Variants in NXPE4 observed in about 807,000 individuals in gnomAD.
NXPE4 encodes the protein neurexophilin and PC-esterase domain family member 4, also known as NXPE family member 4.
In NXPE4, 42 loss-of-function variants were observed where a neutral mutation model predicts 33.3. The observed-to-expected ratio is 1.26, with a 90% CI of 0.98 to 1.63. NXPE4 has a LOEUF of 1.63. Ranked by LOEUF, NXPE4 falls within the 40% of genes most tolerant of loss-of-function variation. The pLI, the probability that NXPE4 is intolerant of heterozygous loss-of-function variation, is 0.00. For synonymous variants in NXPE4, 253 were observed against 234.9 expected (o/e 1.08, Z -0.71); for missense variants, 709 against 647.6 (o/e 1.09, Z -1.03).
intron 2 of NXPE4, among the ~76,000 whole-genome samples, chr11:114,591,759 C>A (rs1212169536): frequency 6.6e-6 from 1 of 151,900 alleles, no homozygotes; most frequent in Non-Finnish European, 1.5e-5. Context: ...AATTCCAGGC[C>A]CCTGTATGAT....
the NXPE4 span, among the ~76,000 whole-genome samples, chr11:114,640,379 C>T: frequency 2.0e-5 from 3 of 148,824 alleles, no homozygotes; most frequent in African/African-American, 7.4e-5. Flanking sequence ...TTTCTTTATC[C>T]ACTCATGTGT....
chr11:114,657,637 T>C, the NXPE4 span, among the ~76,000 whole-genome samples: 1 of 152,194 alleles, frequency 6.6e-6, no homozygotes, highest in African/African-American at 2.4e-5. Context: ...AACTGTAATT[T>C]AATATGATTG....
chr11:114,588,356 A>T (rs554156613), intron 2 of NXPE4, among the ~76,000 whole-genome samples: 2 of 152,262 alleles, frequency 1.3e-5, no homozygotes, highest in East Asian at 3.9e-4. Flanking sequence ...GACTTAGGCC[A>T]ATTTTCTGAT....
At chr11:114,630,968 A>T in the NXPE4 span, among the ~76,000 whole-genome samples, 2 of 151,010 alleles carry the variant, frequency 1.3e-5, no homozygotes, top group Non-Finnish European at 3.0e-5. Flanking sequence ...TCAAAACCAC[A>T]ATGAGATACC....
chr11:114,632,587 G>A, the NXPE4 span, among the ~76,000 whole-genome samples: 1 of 101,086 alleles, frequency 9.9e-6, no homozygotes, highest in Non-Finnish European at 1.8e-5. Flanking sequence ...TATATTTATT[G>A]TATATTGATG....
the NXPE4 span, among the ~76,000 whole-genome samples, chr11:114,651,042 G>A: frequency 6.6e-6 from 1 of 151,964 alleles, no homozygotes; most frequent in Admixed American, 6.6e-5. Flanking sequence ...GTGGTACATT[G>A]AAGGTAATAA....
the NXPE4 span, among the ~76,000 whole-genome samples, chr11:114,628,883 G>T: frequency 6.6e-6 from 1 of 151,684 alleles, no homozygotes; most frequent in Non-Finnish European, 1.5e-5. Flanking sequence ...ATCAGAGAAT[G>T]CTACAAACAC....
chr11:114,659,911 T>C, the NXPE4 span, among the ~76,000 whole-genome samples: 1 of 152,120 alleles, frequency 6.6e-6, no homozygotes, highest in Non-Finnish European at 1.5e-5. Context: ...TCAATGTTAC[T>C]GCTCAGGATG....
the NXPE4 span, among the ~76,000 whole-genome samples, chr11:114,612,017 G>T: frequency 1.3e-5 from 2 of 151,836 alleles, no homozygotes; most frequent in Admixed American, 6.6e-5. Flanking sequence ...TGCCTCATGG[G>T]TAACCACTGT....
At chr11:114,596,279 G>T (rs1949571559), upstream of NXPE4, among the ~76,000 whole-genome samples, 1 of 152,176 alleles carries the variant, frequency 6.6e-6, no homozygotes, top group Non-Finnish European at 1.5e-5. Flanking sequence ...TCATGGGTTT[G>T]AATCCATCTG....
chr11:114,610,372 T>C, the NXPE4 span, among the ~76,000 whole-genome samples: 1 of 151,872 alleles, frequency 6.6e-6, no homozygotes, highest in Non-Finnish European at 1.5e-5. Flanking sequence ...CAGTTGATAA[T>C]AAATATTGCC....
At chr11:114,645,120 G>A in the NXPE4 span, among the ~76,000 whole-genome samples, 2 of 151,876 alleles carry the variant, frequency 1.3e-5, no homozygotes, top group Non-Finnish European at 2.9e-5. Context: ...TGGCCAACAT[G>A]GTGAAACCCC....
chr11:114,617,520 G>A, the NXPE4 span, among the ~76,000 whole-genome samples: 44 of 152,046 alleles, frequency 2.9e-4, no homozygotes, highest in East Asian at 3.9e-4. Context: ...TGGATAATAC[G>A]TGTTGCCTCG....
At chr11:114,601,682 G>T in the NXPE4 span, among the ~76,000 whole-genome samples, 21,041 of 29,594 alleles carry the variant, frequency 0.71, 8,653 homozygotes, top group African/African-American at 0.82. Flanking sequence ...TATAATTATA[G>T]ATTATATATA....
intron 5 of NXPE4, among the ~76,000 whole-genome samples, chr11:114,577,519 A>G (rs964987596): frequency 6.6e-6 from 1 of 152,034 alleles, no homozygotes; most frequent in Non-Finnish European, 1.5e-5. Flanking sequence ...ATGTAACCAA[A>G]CACCACCGGT....
At position 114,573,289 on chromosome 11, in the gene NXPE4, A is replaced by G. The variant is rs563992402; in HGVS notation, c.1100-1816T>C. 4.6e-5 allele frequency among the ~76,000 whole-genome samples: 7 copies of G among 152,296 alleles called. No homozygotes were observed. The South Asian group carries it at 1.0e-3, about 23-fold the overall frequency. ...ATTCTCAAAGGACCTACATGAAATA[A>G]TGCAATGAAAAGAAAAACAAGGTAT... On this transcript the variant is annotated intron_variant, in intron 5 of 5. Coordinates refer to ENST00000375478, the MANE Select transcript of NXPE4 (RefSeq NM_001077639.2).
At chr11:114,605,430 G>T in the NXPE4 span, among the ~76,000 whole-genome samples, 2 of 151,630 alleles carry the variant, frequency 1.3e-5, no homozygotes, top group Non-Finnish European at 2.9e-5. Context: ...TGCCTCGTGC[G>T]TAACCACTGT....
the NXPE4 span, among the ~76,000 whole-genome samples, chr11:114,631,378 A>G: frequency 6.6e-6 from 1 of 151,966 alleles, no homozygotes; most frequent in Non-Finnish European, 1.5e-5. Context: ...TTGTAGGGAC[A>G]TGGATGAAAT....
chr11:114,613,793 C>T, the NXPE4 span, among the ~76,000 whole-genome samples: 15 of 151,664 alleles, frequency 9.9e-5, no homozygotes, highest in Middle Eastern at 3.4e-3. Context: ...CACAGTTAGC[C>T]GGTGGATAAT....
Sources: allele counts gnomAD v4.1 joint callset (sites outside exome capture counted in the v4.1 genomes callset), GRCh38; gene constraint gnomAD v4.1.1; transcripts MANE v1.5; gene names NCBI Gene and HGNC (gene_info 2026-07-23, HGNC 2026-07-21).